The following TMEM132B variants were observed in gnomAD, a reference collection of about 807,000 sequenced individuals.
The protein encoded by TMEM132B is transmembrane protein 132B.
Under a neutral mutation model 90.8 loss-of-function variants are expected in TMEM132B, and 18 were observed. The observed-to-expected ratio is 0.20, with a 90% CI of 0.14 to 0.29. TMEM132B has a LOEUF of 0.29. Among genes scored for constraint, TMEM132B ranks in the 10% least tolerant of loss-of-function variants. The probability of loss-of-function intolerance (pLI) is 1.00; values close to 1 mark genes in which losing one functional copy is unlikely to be tolerated. For synonymous variants in TMEM132B, 504 were observed against 523.3 expected, an observed-to-expected ratio of 0.96 and a Z score of 0.50; for missense variants, 1,096 against 1,326.8, an observed-to-expected ratio of 0.83 and a Z score of 2.70.
intron 3 of TMEM132B, among the ~76,000 whole-genome samples, chr12:125,437,850 T>C (rs1880749431): frequency 6.6e-6 from 1 of 152,142 alleles, no homozygotes; most frequent in Non-Finnish European, 1.5e-5. Flanking sequence ...GGTTTTCCTC[T>C]TGGGGTGACG....
chr12:125,638,091 A>AT (rs1201612465), intron 5 of TMEM132B, among the ~76,000 whole-genome samples: 1 of 152,218 alleles, frequency 6.6e-6, no homozygotes, highest in Non-Finnish European at 1.5e-5. Flanking sequence ...AGGAAGGGCC[A>AT]TGTTGTCCTT....
chr12:125,638,320 C>T (rs376387611), intron 5 of TMEM132B, among the ~76,000 whole-genome samples: 11 of 152,112 alleles, frequency 7.2e-5, no homozygotes, highest in South Asian at 2.1e-4. Context: ...TTGAAAACAA[C>T]GCAGGGTTCA....
chr12:125,228,151 T>C (rs376758410), intron 1 of TMEM132B, among the ~76,000 whole-genome samples: 1 of 152,266 alleles, frequency 6.6e-6, no homozygotes, highest in African/African-American at 2.4e-5. Context: ...ATTAGCAAAG[T>C]TCCTGGGAGC....
chr12:125,292,762 C>A (rs1875575002), intron 1 of TMEM132B, among the ~76,000 whole-genome samples: 1 of 152,202 alleles, frequency 6.6e-6, no homozygotes, highest in Non-Finnish European at 1.5e-5. Flanking sequence ...GAAAAGGAGG[C>A]TTCTCTTTCT....
chr12:125,446,894 T>C (rs1881020059), intron 3 of TMEM132B, among the ~76,000 whole-genome samples: 2 of 152,230 alleles, frequency 1.3e-5, no homozygotes, highest in Non-Finnish European at 2.9e-5. Context: ...TTGCTTTTAC[T>C]CTACTTAAGA....
At chr12:125,254,981 G>A (rs371681406) in intron 1 of TMEM132B, among the ~76,000 whole-genome samples, 2 of 152,036 alleles carry the variant, frequency 1.3e-5, no homozygotes, top group African/African-American at 2.4e-5. Flanking sequence ...CACTGTGCCC[G>A]GCCGCCTCTT....
chr12:125,281,740 CTT>C (rs1424611338), intron 1 of TMEM132B, among the ~76,000 whole-genome samples: 1 of 152,082 alleles, frequency 6.6e-6, no homozygotes, highest in African/African-American at 2.4e-5. Context: ...GTTAAGAAGA[CTT>C]TTGAGGTCGG....
At chr12:125,327,210 A>G (rs574231132) in intron 1 of TMEM132B, among the ~76,000 whole-genome samples, 1 of 152,198 alleles carries the variant, frequency 6.6e-6, no homozygotes, top group East Asian at 1.9e-4. Context: ...TCTAGCTCAC[A>G]GGTCTCTCCT....
chr12:125,455,672 T>TC (rs1881273143), intron 3 of TMEM132B, among the ~76,000 whole-genome samples: 1 of 143,114 alleles, frequency 7.0e-6, no homozygotes, highest in African/African-American at 2.5e-5. Context: ...GGGTTGGATT[T>TC]TTTTTTTTTT....
chr12:125,421,391 A>G (rs561203114), intron 3 of TMEM132B, among the ~76,000 whole-genome samples: 5 of 152,324 alleles, frequency 3.3e-5, no homozygotes, highest in Admixed American at 2.0e-4. Flanking sequence ...GCAAAGTCAC[A>G]TCTTACATGG....
intron 1 of TMEM132B, among the ~76,000 whole-genome samples, chr12:125,219,662 C>T (rs979526886): frequency 5.9e-5 from 9 of 152,160 alleles, no homozygotes; most frequent in East Asian, 5.8e-4. Context: ...ACTTTGGTTT[C>T]GAACAATTCC....
At chr12:125,228,699 GCCTAC>G (rs952141406) in intron 1 of TMEM132B, among the ~76,000 whole-genome samples, 16 of 152,180 alleles carry the variant, frequency 1.1e-4, no homozygotes, top group African/African-American at 3.4e-4. Flanking sequence ...CGTCACTGGT[GCCTAC>G]CCACAGCGGC....
At chr12:125,473,352 C>A (rs1309336912) in intron 3 of TMEM132B, among the ~76,000 whole-genome samples, 2 of 152,090 alleles carry the variant, frequency 1.3e-5, no homozygotes, top group African/African-American at 4.8e-5. Flanking sequence ...GCATTTGTTC[C>A]TATTTGTAAC....
intron 6 of TMEM132B, among the ~76,000 whole-genome samples, chr12:125,646,106 G>A (rs1886758228): frequency 6.6e-6 from 1 of 152,238 alleles, no homozygotes; most frequent in African/African-American, 2.4e-5. Context: ...CAAAAACGCT[G>A]CCAGTGAGGG....
chr12:125,560,094 G>A (rs1314146084), intron 4 of TMEM132B, among the ~76,000 whole-genome samples: 1 of 152,186 alleles, frequency 6.6e-6, no homozygotes, highest in African/African-American at 2.4e-5. Flanking sequence ...TTGGGGTCAG[G>A]GAGGCTGTGC....
At chr12:125,389,013 T>TACAC (rs71447042) in intron 2 of TMEM132B, among the ~76,000 whole-genome samples, 4,367 of 140,116 alleles carry the variant, frequency 0.031, 77 homozygotes, top group Middle Eastern at 0.043. Flanking sequence ...ATATTTTCTG[T>TACAC]ACACACACAC....
chr12:125,417,012 A>G (rs998026009), intron 3 of TMEM132B, among the ~76,000 whole-genome samples: 1 of 152,190 alleles, frequency 6.6e-6, no homozygotes, highest in Non-Finnish European at 1.5e-5. Context: ...GTCATCTCAC[A>G]TAAAAGAAAT....
At chr12:125,228,016 A>G (rs933074863) in intron 1 of TMEM132B, among the ~76,000 whole-genome samples, 2 of 152,068 alleles carry the variant, frequency 1.3e-5, no homozygotes, top group African/African-American at 4.8e-5. Context: ...GCATTTCTCT[A>G]TTCCTCACAC....
At chr12:125,397,201 G>A (rs1879193734) in intron 2 of TMEM132B, among the ~76,000 whole-genome samples, 1 of 152,082 alleles carries the variant, frequency 6.6e-6, no homozygotes, top group South Asian at 2.1e-4. Context: ...TCCATCTCCT[G>A]ACCTCGTGAT....
Sources: allele counts gnomAD v4.1 joint callset (sites outside exome capture counted in the v4.1 genomes callset), GRCh38; gene constraint gnomAD v4.1.1; transcripts MANE v1.5; gene names NCBI Gene and HGNC (gene_info 2026-07-23, HGNC 2026-07-21).